ARHGEF18: variants seen among roughly 807,000 people sequenced by gnomAD.
ARHGEF18 encodes the protein Rho/Rac guanine nucleotide exchange factor 18.
In ARHGEF18, 93 loss-of-function variants were observed where a neutral mutation model predicts 155.7. The ratio of observed to expected loss-of-function variants is 0.60; its 90% CI spans 0.50 to 0.71. The LOEUF (loss-of-function observed/expected upper bound fraction) is 0.71, where lower values mean the gene tolerates loss of function less well. Ranked by LOEUF, ARHGEF18 falls within the 30% of genes least tolerant of loss-of-function variation. ARHGEF18 has a pLI of 0.00. For missense variants in ARHGEF18, 1,593 were observed against 1,816.1 expected, an observed-to-expected ratio of 0.88 and a Z score of 2.23; for synonymous variants, 742 against 753.1, an observed-to-expected ratio of 0.99 and a Z score of 0.24.
intron 1 of ARHGEF18, among the ~76,000 whole-genome samples, chr19:7,354,772 C>T (rs1196991439): frequency 6.6e-6 from 1 of 151,858 alleles, no homozygotes; most frequent in Non-Finnish European, 1.5e-5. Context: ...TGGTGGCACA[C>T]ACCTGTAGTC....
chr19:7,463,194 C>T lies in ARHGEF18; in HGVS notation c.2636-624C>T, dbSNP rs570358468. ...CAGCCCCTGCCTTCCAGAGCCTTTC[C>T]GCAGAATAAGACGGCAGAGACGGGG... On this transcript the variant is annotated intron_variant, in intron 21 of 28. Coordinates refer to ENST00000668164, the MANE Select transcript of ARHGEF18 (RefSeq NM_001367823.1). The surrounding 1 kb of genome is among the most constrained non-coding windows in gnomAD (Gnocchi z 5.2). Among the ~76,000 whole-genome samples, 14 of 152,224 alleles carry T rather than the reference C, an allele frequency of 9.2e-5. No homozygotes were observed. The highest frequency in any genetic ancestry group is 6.2e-4 in the South Asian group (3 of 4,830).
chr19:7,411,128 A>C (rs1972651069), intron 10 of ARHGEF18, among the ~76,000 whole-genome samples: 1 of 152,120 alleles, frequency 6.6e-6, no homozygotes, highest in Non-Finnish European at 1.5e-5. Context: ...AAGCCTGGGC[A>C]GCGCAGGGCC....
In ARHGEF18 at chr19:7,407,961, CAAAAAAAAAAAAAAAAA is replaced by C. The variant is rs71179104; in HGVS notation, c.967+24768_967+24784del. The stretch of plus-strand genomic sequence containing the variant: ...TGGGCAACAGAGCGAGACTCCGTCT[CAAAAAAAAAAAAAAAAA>C]AAAAAAAAAGAGGTAGTAGGCTGGG... On this transcript the variant is annotated intron_variant, in intron 10 of 28. Coordinates refer to ENST00000668164, the MANE Select transcript of ARHGEF18 (RefSeq NM_001367823.1). Among the ~76,000 whole-genome samples, 8 of 48,826 alleles carry C rather than the reference CAAAAAAAAAAAAAAAAA, an allele frequency of 1.6e-4. 1 individual carries two copies. In the South Asian group the frequency reaches 4.8e-3, roughly 29 times the overall value. The allele number at this position is 48,826 out of a possible 152,430, so 32.0% of individuals were successfully genotyped here.
In ARHGEF18 at chr19:7,467,669, C is replaced by G. The variant is rs1272502220; in HGVS notation, c.3465C>G (p.Pro1155=). The G allele has an allele frequency of 1.1e-5, 16 of 1,508,920 alleles. No homozygotes were observed. Among genetic ancestry groups the G allele is most frequent in the South Asian group, 4.9e-5 (4 of 81,162 alleles). The allele number at this position is 1,508,920 out of a possible 1,614,324, so 93.5% of individuals were successfully genotyped here. The change falls in exon 26 of 29, where the codon CCC becomes CCG. Residue 1155 remains proline (P), a synonymous_variant. Coordinates refer to ENST00000668164, the MANE Select transcript of ARHGEF18 (RefSeq NM_001367823.1). ...KQNTAPGALP[P]DTLAEAQPPS... ...ACACCGCGCCAGGCGCGCTGCCGCC[C>G]GACACACTGGCCGAGGTGAGCGCGC...
At position 7,404,641 on chromosome 19, in the gene ARHGEF18, G is replaced by A. The variant is rs562127339; in HGVS notation, c.967+21438G>A. 6.4e-4 allele frequency among the ~76,000 whole-genome samples: 97 copies of A among 151,694 alleles called. 1 individual carries two copies. In the South Asian group the frequency reaches 0.02, roughly 31 times the overall value. ...CACCCGGCTAATTTTTGTATTTTTA[G>A]TAGAGATGGGGTTTTGCCATGTCTC... is the stretch of plus-strand genomic sequence containing the variant. On this transcript the variant is annotated intron_variant, in intron 10 of 28. Transcript: ENST00000668164.
intron 1 of ARHGEF18, chr19:7,355,739 C>A: frequency 1.0e-6 from 1 of 983,626 alleles, no homozygotes; most frequent in Non-Finnish European, 1.2e-6. Context: ...GAGCCATCCA[C>A]CCAGGTGGGG....
At position 7,453,659 on chromosome 19, in the gene ARHGEF18, G is replaced by A. The variant is rs779040030; in HGVS notation, c.2048G>A (p.Arg683Gln). The A allele has an allele frequency of 2.9e-5, 47 of 1,607,290 alleles. No individual in the cohort carries two copies. Among genetic ancestry groups the A allele is most frequent in the Admixed American group, 2.2e-4 (13 of 59,660 alleles). Reference sequence around the variant, plus strand: ...TTCCGCAAGGAAGACATGCTTCAGCGGCAGCTCCACCTGGAGGGCATGCTA... The same window carrying A: ...TTCCGCAAGGAAGACATGCTTCAGCAGCAGCTCCACCTGGAGGGCATGCTA... ...LTFRKEDMLQ[R>Q]QLHLEGMLCW... The change falls in exon 17 of 29, where the codon CGG (arginine) becomes CAG (glutamine). Residue 683 changes from arginine to glutamine, a missense_variant. Transcript: ENST00000668164.
Position 7,372,817 on chromosome 19 carries a change from T to C in ARHGEF18, c.21T>C (p.Asp7=), listed in dbSNP as rs1159921207. The C allele has an allele frequency of 3.2e-6, 4 of 1,234,458 alleles. No individual in the cohort carries two copies. Among genetic ancestry groups the C allele is most frequent in the Non-Finnish European group, 4.0e-6 (4 of 988,254 alleles). The allele number at this position is 1,234,458 out of a possible 1,614,324, so 76.5% of individuals were successfully genotyped here. The change falls in exon 3 of 29, where the codon GAT becomes GAC. Residue 7 remains aspartate (D), a synonymous_variant. Transcript: ENST00000668164. The part of the protein sequence containing the change: MGDDQE[D]DFPRRLSESM... ...CTCACCTTCCCAACCTACAGGAGGATGATTTTCCCAGGCGGCTCAGCGAGA... is the reference window on the plus strand; with the variant it reads ...CTCACCTTCCCAACCTACAGGAGGACGATTTTCCCAGGCGGCTCAGCGAGA...
chr19:7,455,673 A>T (rs978896882), intron 17 of ARHGEF18, among the ~76,000 whole-genome samples: 1 of 152,124 alleles, frequency 6.6e-6, no homozygotes, highest in Admixed American at 6.6e-5. Context: ...CATGCTGCTG[A>T]TAAAGACATA....
intron 1 of ARHGEF18, among the ~76,000 whole-genome samples, chr19:7,349,947 T>G (rs772024483): frequency 2.0e-4 from 31 of 152,018 alleles, no homozygotes; most frequent in Non-Finnish European, 4.0e-4. Context: ...AACTCACACT[T>G]AAGGCTGATG....
rs756754281 is a variant in ARHGEF18 at position 7,459,961 on chromosome 19, G to A, written c.2419G>A (p.Glu807Lys). The change falls in exon 20 of 29, where the codon GAG (glutamate) becomes AAG (lysine). Residue 807 changes from glutamate to lysine, a missense_variant. By Grantham distance (56) the Glu-to-Lys change is moderately conservative. Coordinates refer to ENST00000668164, the MANE Select transcript of ARHGEF18 (RefSeq NM_001367823.1). ...SLPEEERKVV[E>K]ARATRLRDFQ... is the part of the protein sequence containing the mutation. The stretch of plus-strand genomic sequence containing the variant: ...GCCCGAAGAGGAAAGGAAGGTGGTC[G>A]AGGCCCGCGCCACGAGACTCCGGGA... 8 of 1,588,886 alleles carry A rather than the reference G, an allele frequency of 5.0e-6. No individual in the cohort carries two copies. Among genetic ancestry groups the A allele is most frequent in the South Asian group, 3.4e-5 (3 of 87,226 alleles).
Position 7,444,219 on chromosome 19 carries a change from A to C in ARHGEF18, c.1376A>C (p.Glu459Ala). Residue 459 changes from glutamate (E) to alanine (A), a missense_variant, in exon 14 of 29, where the codon GAG (glutamate) becomes GCG (alanine). Physicochemically the swap from Glu to Ala is moderately radical, Grantham distance 107. Coordinates refer to ENST00000668164, the MANE Select transcript of ARHGEF18 (RefSeq NM_001367823.1). This position sits in a 1 kb window ranked among gnomAD's most constrained non-coding sequence, Gnocchi z 4.7. ...GTCCCTGCAGAGCTGATGCAGACAG[A>C]GGTGCACCACGTGCGGACGCTCAAG... is the stretch of plus-strand genomic sequence containing the variant. Reference protein sequence around the residue: ...QDVLYELMQTEVHHVRTLKIM... With the variant: ...QDVLYELMQTAVHHVRTLKIM... 1.9e-6 allele frequency: 3 copies of C among 1,613,338 alleles called. No individual in the cohort carries two copies. The highest frequency in any genetic ancestry group is 2.5e-6 in the Non-Finnish European group (3 of 1,179,942).
chr19:7,471,450 G>A lies in ARHGEF18; in HGVS notation c.*1152G>A, dbSNP rs1416333925. ...CAGCTCCGGTGGAGAAAGGGCCCAT[G>A]TCAAGCCTTGTTCTGCACCCCAAGC... is the stretch of plus-strand genomic sequence containing the variant. On this transcript the variant is annotated 3_prime_UTR_variant, in exon 29 of 29. Coordinates refer to ENST00000668164, the MANE Select transcript of ARHGEF18 (RefSeq NM_001367823.1). This position sits in a 1 kb window ranked among gnomAD's most constrained non-coding sequence, Gnocchi z 4.4. 6.6e-6 allele frequency: 1 copy of A among 152,352 alleles called. No individual in the cohort carries two copies. Among genetic ancestry groups the A allele is most frequent in the Non-Finnish European group, 1.5e-5 (1 of 68,130 alleles). The allele number at this position is 152,352 out of a possible 1,614,324, so 9.4% of individuals were successfully genotyped here.
chr19:7,361,995 G>A (rs1264272454), intron 1 of ARHGEF18, among the ~76,000 whole-genome samples: 2 of 32,050 alleles, frequency 6.2e-5, no homozygotes, highest in African/African-American at 5.0e-4. Flanking sequence ...CTCTGTGGAA[G>A]AAGAAGAAGA....
Position 7,463,656 on chromosome 19 carries a change from AG to A in ARHGEF18, c.2636-159del, listed in dbSNP as rs1374549425. Among the ~76,000 whole-genome samples the A allele has an allele frequency of 1.3e-5, 2 of 152,176 alleles. No homozygotes were observed. Among genetic ancestry groups the A allele is most frequent in the East Asian group, 3.9e-4 (2 of 5,188 alleles). ...CCATACCTGAAGTAAGGGTGTGCGCAGGGACAGTGGGGCTGAAATCCCACGG... is the reference window on the plus strand; with the variant it reads ...CCATACCTGAAGTAAGGGTGTGCGCAGGACAGTGGGGCTGAAATCCCACGG... On this transcript the variant is annotated intron_variant, in intron 21 of 28. Coordinates refer to ENST00000668164, the MANE Select transcript of ARHGEF18 (RefSeq NM_001367823.1). The surrounding 1 kb of genome is among the most constrained non-coding windows in gnomAD (Gnocchi z 5.2).
chr19:7,408,770 C>T (rs918896011), intron 10 of ARHGEF18, among the ~76,000 whole-genome samples: 5 of 152,342 alleles, frequency 3.3e-5, no homozygotes, highest in Middle Eastern at 3.4e-3. Context: ...CGGCTGAGTG[C>T]AGTGGCTCAC....
intron 23 of ARHGEF18, 64 bp from the exon 24 acceptor site, chr19:7,466,854 G>GAAGAAGAAT: frequency 9.0e-7 from 1 of 1,114,812 alleles, no homozygotes. Context: ...AGAAGAAGAA[G>GAAGAAGAAT]GCTTGAGTCT....
chr19:7,469,929 G>T lies in ARHGEF18; in HGVS notation c.3813G>T (p.Leu1271=). The T allele has an allele frequency of 6.2e-7, 1 of 1,613,016 alleles. No homozygotes were observed. The highest frequency in any genetic ancestry group is 8.5e-7 in the Non-Finnish European group (1 of 1,179,868). The part of the protein sequence containing the change: ...SSASFDLKQQ[L]LLNKLMGKDE... ...CGTCCTTCGACCTGAAGCAGCAGCT[G>T]CTGCTCAACAAGCTCATGGGGAAAG... Residue 1271 remains leucine (L), a synonymous_variant, in exon 28 of 29, where the codon CTG becomes CTT. Coordinates refer to ENST00000668164, the MANE Select transcript of ARHGEF18 (RefSeq NM_001367823.1).
In ARHGEF18 at chr19:7,380,702, AC is replaced by A. The variant is rs1182603656; in HGVS notation, c.645-214del. 2.7e-5 allele frequency among the ~76,000 whole-genome samples: 4 copies of A among 150,318 alleles called. No individual in the cohort carries two copies. In the East Asian group the frequency reaches 5.8e-4, roughly 22 times the overall value. ...CCATCTCTATTAAAAAAGAAAAAAA[AC>A]ATCTTCCTGCTACACTGATTTTGTT... On this transcript the variant is annotated intron_variant, in intron 7 of 28. Coordinates refer to ENST00000668164, the MANE Select transcript of ARHGEF18 (RefSeq NM_001367823.1).
Sources: gnomAD v4.1 joint callset for allele counts (sites outside exome capture counted in the v4.1 genomes callset) on GRCh38, gnomAD v4.1.1 for gene constraint, Gnocchi (gnomAD v3.1) non-coding constraint, MANE v1.5 for transcripts, NCBI Gene and HGNC (gene_info 2026-07-23, HGNC 2026-07-21) for gene names.